Variants in DNAH2 observed in about 807,000 individuals in gnomAD.
DNAH2 encodes the protein axonemal beta dynein heavy chain 2.
A neutral mutation model predicts 523.5 loss-of-function variants in DNAH2; 323 were observed. That is an observed-to-expected ratio of 0.62 (90% CI 0.56 to 0.68). DNAH2 has a LOEUF of 0.68. Among genes scored for constraint, DNAH2 ranks in the 30% least tolerant of loss-of-function variants. DNAH2 has a pLI of 0.00. For missense variants in DNAH2, 4,907 were observed against 5,701.5 expected (o/e 0.86, Z 4.49); for synonymous variants, 2,093 against 2,177.4 (o/e 0.96, Z 1.08).
At chr17:7,725,426 A>ATATATATATATATATATATATG (rs1249740080) in intron 3 of DNAH2, among the ~76,000 whole-genome samples, 2 of 24,220 alleles carry the variant, frequency 8.3e-5, no homozygotes, top group African/African-American at 1.7e-4. Flanking sequence ...CTTCAAGTGA[A>ATATATATATATATATATATATG]TATATATATA....
chr17:7,822,968 G>A (rs1179665551), intron 73 of DNAH2, among the ~76,000 whole-genome samples: 1 of 152,046 alleles, frequency 6.6e-6, no homozygotes, highest in Non-Finnish European at 1.5e-5. Flanking sequence ...TTATTCCCCA[G>A]GATCCCTGTA....
At chr17:7,757,284 CCTT>C (rs2075871124) in intron 13 of DNAH2, 47 bp downstream of exon 13, 2 of 1,592,818 alleles carry the variant, frequency 1.3e-6, no homozygotes, top group Non-Finnish European at 1.7e-6. Context: ...CTATTTTATT[CCTT>C]CTTTTTCTCT....
At chr17:7,823,760 G>A in intron 74 of DNAH2, 74 bp from the exon 75 acceptor site, 1 of 1,586,412 alleles carries the variant, frequency 6.3e-7, no homozygotes, top group Middle Eastern at 1.7e-4. Flanking sequence ...ATTCCCGGCA[G>A]GTGCCCCTTT....
intron 63 of DNAH2, among the ~76,000 whole-genome samples, chr17:7,812,104 T>A (rs1490011000): frequency 1.3e-5 from 2 of 152,174 alleles, no homozygotes; most frequent in Non-Finnish European, 2.9e-5. Context: ...AAATCTTGGT[T>A]TTAGCTTTAC....
intron 58 of DNAH2, among the ~76,000 whole-genome samples, chr17:7,803,264 T>C (rs2077273027): frequency 6.6e-6 from 1 of 152,166 alleles, no homozygotes; most frequent in African/African-American, 2.4e-5. Context: ...CGGTTATAAA[T>C]CAAGGGTTCC....
At chr17:7,788,373 G>T (rs2076804403) in intron 44 of DNAH2, 129 bp downstream of exon 44, 5 of 1,202,752 alleles carry the variant, frequency 4.2e-6, no homozygotes, top group East Asian at 5.1e-5. Context: ...ACTCCAGGGG[G>T]AGGCTTCAAC....
intron 85 of DNAH2, 58 bp from the exon 86 acceptor site, chr17:7,833,321 T>A (rs982914577): frequency 8.3e-5 from 133 of 1,609,186 alleles, no homozygotes; most frequent in Non-Finnish European, 1.0e-4. Context: ...CCTGCCCTGC[T>A]CCTGCCCTGC....
chr17:7,805,965 T>G, intron 61 of DNAH2, among the ~76,000 whole-genome samples: 1 of 152,370 alleles, frequency 6.6e-6, no homozygotes, highest in Admixed American at 6.5e-5. Context: ...TTCTGATTGC[T>G]TTTATAATTA....
Position 7,778,342 on chromosome 17 carries a change from C to T in DNAH2, c.5414C>T (p.Ala1805Val). 4.3e-6 allele frequency: 7 copies of T among 1,614,218 alleles called. No individual in the cohort carries two copies. The highest frequency in any genetic ancestry group is 5.1e-6 in the Non-Finnish European group (6 of 1,180,036). The change falls in exon 35 of 86, where the codon GCA (alanine) becomes GTA (valine). Residue 1805 changes from alanine to valine, a missense_variant. Ala to Val is a moderately conservative substitution (Grantham distance 64, BLOSUM62 0). This residue lies in a region of DNAH2 where 2,806 missense variants were observed against 3,190.8 expected (regional missense o/e 0.88). Coordinates refer to ENST00000572933, the MANE Select transcript of DNAH2 (RefSeq NM_020877.5). ...LHRGGSPKGP[A>V]GTGKTETVKD... Reference sequence around the variant, plus strand: ...CGAGGGGGCTCCCCCAAAGGCCCTGCAGGCACAGGCAAGACCGAGACCGTC... The same window carrying T: ...CGAGGGGGCTCCCCCAAAGGCCCTGTAGGCACAGGCAAGACCGAGACCGTC...
chr17:7,739,947 A>G lies in DNAH2; in HGVS notation c.1376+9A>G. ...CATGAAGACTACAATAAGTGAGGGA[A>G]CCACAGGCTGATGCCAGGCGTGGGC... On this transcript the variant is annotated intron_variant, in intron 9 of 85. Transcript: ENST00000572933. The G allele has an allele frequency of 6.2e-7, 1 of 1,612,884 alleles. No individual in the cohort carries two copies.
In DNAH2 at chr17:7,774,805, T is replaced by C. The variant is rs754158445; in HGVS notation, c.4548T>C (p.Ile1516=). 13 of 1,614,222 alleles carry C rather than the reference T, an allele frequency of 8.1e-6. No individual in the cohort carries two copies. The highest frequency in any genetic ancestry group is 1.6e-4 in the Middle Eastern group (1 of 6,062). ...LIEMNTILED[I]QKSLDMYLET... ...AAATGAATACAATCCTGGAAGATAT[T>C]CAGAAATCTCTGGATATGTATTTAG... The change falls in exon 29 of 86, where the codon ATT becomes ATC. Residue 1516 remains isoleucine, a synonymous_variant. Coordinates refer to ENST00000572933, the MANE Select transcript of DNAH2 (RefSeq NM_020877.5).
chr17:7,791,072 G>T (rs533138816), intron 44 of DNAH2, among the ~76,000 whole-genome samples: 2 of 144,704 alleles, frequency 1.4e-5, no homozygotes, highest in Admixed American at 6.9e-5. Flanking sequence ...TATGTTTTTT[G>T]TTTTTTTTTT....
rs2075401626 is a variant in DNAH2, at chr17:7,743,083, TA to T, written c.1846del (p.Thr616ProfsTer23). ...LDKDCIRRLD[T>X]PLLRISQEKA... Reference sequence around the variant, plus strand: ...ACAAGGATTGCATTCGGCGGTTGGATACCCCATTGCTGCGAATCAGCCAGGA... The same window carrying T: ...ACAAGGATTGCATTCGGCGGTTGGATCCCCATTGCTGCGAATCAGCCAGGA... On this transcript the variant is annotated frameshift_variant, in exon 12 of 86. Transcript: ENST00000572933. LOFTEE classifies it high-confidence loss of function. The T allele has an allele frequency of 6.5e-7, 1 of 1,546,976 alleles. No homozygotes were observed.
chr17:7,763,742 G>C, intron 18 of DNAH2, 89 bp from the exon 19 acceptor site: 1 of 1,512,316 alleles, frequency 6.6e-7, no homozygotes, highest in East Asian at 2.3e-5. Flanking sequence ...GGTTTGGGTG[G>C]AAGGAAATGA....
intron 28 of DNAH2, among the ~76,000 whole-genome samples, chr17:7,773,645 T>C (rs8066586): frequency 0.053 from 8,049 of 152,306 alleles, 311 homozygotes; most frequent in African/African-American, 0.1. Flanking sequence ...CTGTAACTTT[T>C]GCAGTTTGAG....
intron 58 of DNAH2, among the ~76,000 whole-genome samples, chr17:7,802,919 G>A (rs1042876872): frequency 5.3e-5 from 8 of 150,686 alleles, no homozygotes; most frequent in Non-Finnish European, 7.4e-5. Context: ...GTGATCCTCC[G>A]GCCTTGGCCT....
intron 39 of DNAH2, among the ~76,000 whole-genome samples, chr17:7,784,417 C>T (rs1330071497): frequency 6.6e-6 from 1 of 152,148 alleles, no homozygotes; most frequent in Non-Finnish European, 1.5e-5. Flanking sequence ...TTGGCTCATG[C>T]CTGTAGCCCC....
At chr17:7,773,784 C>T (rs920076954) in intron 28 of DNAH2, among the ~76,000 whole-genome samples, 9 of 151,934 alleles carry the variant, frequency 5.9e-5, no homozygotes, top group East Asian at 3.9e-4. Flanking sequence ...GGCTGGAGTG[C>T]GGTGGCACAA....
In DNAH2 at chr17:7,726,139, G is replaced by A. The variant is rs182555120; in HGVS notation, c.229-983G>A. Among the ~76,000 whole-genome samples the A allele has an allele frequency of 2.3e-4, 35 of 152,088 alleles. No homozygotes were observed. In the East Asian group the frequency reaches 6.2e-3, roughly 27 times the overall value. On this transcript the variant is annotated intron_variant, in intron 3 of 85. Coordinates refer to ENST00000572933, the MANE Select transcript of DNAH2 (RefSeq NM_020877.5). ...TCCTACCTCAGCCTCCCAAGTAGCT[G>A]GGATTACAGGAACCCACCACCATGC...
Sources: allele counts gnomAD v4.1 joint callset (sites outside exome capture counted in the v4.1 genomes callset), GRCh38; gene constraint gnomAD v4.1.1; regional missense constraint gnomAD v4.1.1; transcripts MANE v1.5; gene names NCBI Gene and HGNC (gene_info 2026-07-23, HGNC 2026-07-21).